SORBS2: variants seen among roughly 807,000 people sequenced by gnomAD.
The protein encoded by SORBS2 is sorbin and SH3 domain containing 2, also known as sorbin and SH3 domain-containing protein 2.
In SORBS2, 46 loss-of-function variants were observed where a neutral mutation model predicts 97.7. The observed-to-expected ratio is 0.47, with a 90% confidence interval of 0.37 to 0.60. The LOEUF is 0.60. Ranked by LOEUF, SORBS2 falls within the 20% of genes least tolerant of loss-of-function variation. SORBS2 has a pLI of 0.00. For synonymous variants in SORBS2, 476 were observed against 473.4 expected (o/e 1.01, Z -0.07); for missense variants, 1,316 against 1,282.3 (o/e 1.03, Z -0.40).
chr4:185,620,311 T>C (rs963382067), intron 7 of SORBS2, among the ~76,000 whole-genome samples, 160 bp from the exon 20 acceptor site: 4 of 152,196 alleles, frequency 2.6e-5, no homozygotes, highest in African/African-American at 7.2e-5. Flanking sequence ...TACAAAGTTG[T>C]GAAATAAGAC....
At chr4:185,666,292 A>G in intron 4 of SORBS2, 2 of 667,130 alleles carry the variant, frequency 3.0e-6, no homozygotes, top group South Asian at 3.3e-5. Context: ...AAGGCAAAGC[A>G]TCGGTTTTAT....
At chr4:185,884,919 T>A (rs936240515) in intron 1 of SORBS2, among the ~76,000 whole-genome samples, 11 of 152,216 alleles carry the variant, frequency 7.2e-5, no homozygotes, top group Non-Finnish European at 4.4e-5. Flanking sequence ...ACTGCTGATT[T>A]CCCTACAGAA....
At chr4:185,711,839 C>T (rs753729518) in intron 2 of SORBS2, among the ~76,000 whole-genome samples, 2 of 152,152 alleles carry the variant, frequency 1.3e-5, no homozygotes, top group Non-Finnish European at 2.9e-5. Flanking sequence ...ACCTATTCAG[C>T]ACACGCACAA....
chr4:185,817,482 T>C (rs1343937668), intron 1 of SORBS2, among the ~76,000 whole-genome samples: 2 of 152,170 alleles, frequency 1.3e-5, no homozygotes, highest in African/African-American at 4.8e-5. Flanking sequence ...GGCCACACTT[T>C]GTTCTTGGAG....
At chr4:185,770,906 C>T (rs1052400631) in intron 2 of SORBS2, 2 of 150,826 alleles carry the variant, frequency 1.3e-5, no homozygotes, top group African/African-American at 4.9e-5. Context: ...TTTGCACATA[C>T]ACTAGCTTGG....
intron 4 of SORBS2, among the ~76,000 whole-genome samples, chr4:185,667,698 A>ATTT (rs11458739): frequency 1.4e-5 from 2 of 146,756 alleles, no homozygotes; most frequent in African/African-American, 2.5e-5. Context: ...ATATATATAT[A>ATTT]TATATATACG....
intron 7 of SORBS2, among the ~76,000 whole-genome samples, chr4:185,621,599 T>A (rs1415392224): frequency 6.6e-6 from 1 of 151,604 alleles, no homozygotes; most frequent in African/African-American, 2.4e-5. Context: ...TTTTGAAGCA[T>A]GTTGCTTCAG....
rs375583777 is a variant in SORBS2 at position 185,752,400 on chromosome 4, C to T, written c.-198+22827G>A. Among the ~76,000 whole-genome samples, 264 of 152,210 alleles carry T rather than the reference C, an allele frequency of 1.7e-3. 8 individuals are homozygous for T. The South Asian group carries it at 0.052, about 30-fold the overall frequency. ...GCGCCATTCTCCTGCCTCAGCCTCCCGAGTAGCTTGGACTACAGGCGCCCG... is the reference window on the plus strand; with the variant it reads ...GCGCCATTCTCCTGCCTCAGCCTCCTGAGTAGCTTGGACTACAGGCGCCCG... On this transcript the variant is annotated intron_variant, in intron 2 of 20. Coordinates refer to the SORBS2 transcript ENST00000284776.
Position 185,923,110 on chromosome 4 carries a change from G to T in SORBS2, c.-338+33086C>A, listed in dbSNP as rs534651228. Among the ~76,000 whole-genome samples, 4 of 152,246 alleles carry T rather than the reference G, an allele frequency of 2.6e-5. No individual in the cohort carries two copies. The South Asian group carries it at 8.3e-4, about 32-fold the overall frequency. On this transcript the variant is annotated intron_variant, in intron 1 of 20. Coordinates refer to the SORBS2 transcript ENST00000284776. ...GAGCATTAAAGGGGATAATCTGTATGGGGGGAGCCCCACACAGAGTCCAGC... is the reference window on the plus strand; with the variant it reads ...GAGCATTAAAGGGGATAATCTGTATTGGGGGAGCCCCACACAGAGTCCAGC...
intron 1 of SORBS2, among the ~76,000 whole-genome samples, chr4:185,884,058 C>T (rs1041690005): frequency 1.2e-4 from 18 of 152,226 alleles, no homozygotes; most frequent in African/African-American, 3.4e-4. Flanking sequence ...GTTCAAGGTA[C>T]CTTCCAAAGG....
At position 185,606,242 on chromosome 4, in the gene SORBS2, A is replaced by C; in HGVS notation, c.2796+5538T>G. On this transcript the variant is annotated intron_variant, in intron 12 of 14. Coordinates refer to ENST00000418609, the Ensembl canonical transcript of SORBS2. The surrounding 1 kb of genome is among the most constrained non-coding windows in gnomAD (Gnocchi z 4.3). ...TGGGTTTTGACGATTAAAGATGTGG[A>C]GTTTTTAGAATAGTGTCTGATACTC... The C allele has an allele frequency of 1.0e-6, 1 of 985,332 alleles. No individual in the cohort carries two copies. Among genetic ancestry groups the C allele is most frequent in the Non-Finnish European group, 1.2e-6 (1 of 829,868 alleles). The allele number at this position is 985,332 out of a possible 1,614,324, so 61.0% of individuals were successfully genotyped here.
Position 185,822,225 on chromosome 4 carries a change from T to A in SORBS2, c.-337-46859A>T, listed in dbSNP as rs567564461. Among the ~76,000 whole-genome samples the A allele has an allele frequency of 6.6e-5, 10 of 152,360 alleles. 1 individual carries two copies. Among genetic ancestry groups the A allele is most frequent in the African/African-American group, 2.2e-4 (9 of 41,582 alleles). On this transcript the variant is annotated intron_variant, in intron 1 of 20. Coordinates refer to the SORBS2 transcript ENST00000284776. ...ATTACTATTTAGGGTTTGACAGTCA[T>A]CCTTTATCTAGTGTTTCCCCAGTTG...
intron 4 of SORBS2, among the ~76,000 whole-genome samples, chr4:185,636,019 C>G (rs2153439933): frequency 6.6e-6 from 1 of 152,190 alleles, no homozygotes; most frequent in East Asian, 1.9e-4. Context: ...CCACCATGCC[C>G]AGCTAATTTT....
chr4:185,943,233 G>C (rs1409704267), intron 1 of SORBS2, among the ~76,000 whole-genome samples: 1 of 152,196 alleles, frequency 6.6e-6, no homozygotes, highest in Non-Finnish European at 1.5e-5. Flanking sequence ...GAACCTAGTA[G>C]TTATGGACAA....
chr4:185,757,811 A>G (rs1025396720), intron 2 of SORBS2, among the ~76,000 whole-genome samples: 6 of 152,198 alleles, frequency 3.9e-5, no homozygotes, highest in Admixed American at 3.9e-4. Flanking sequence ...AGCTAGATCT[A>G]TACAACTGGA....
chr4:185,839,955 C>T (rs1042025461), intron 1 of SORBS2, among the ~76,000 whole-genome samples: 1 of 151,724 alleles, frequency 6.6e-6, no homozygotes, highest in African/African-American at 2.4e-5. Flanking sequence ...CATGTGCTTA[C>T]GATGTAGGAT....
chr4:185,847,954 C>T (rs762321005), intron 1 of SORBS2, among the ~76,000 whole-genome samples: 3 of 152,120 alleles, frequency 2.0e-5, no homozygotes, highest in East Asian at 1.9e-4. Context: ...ACATTCATGC[C>T]GAGTCGCAGG....
intron 2 of SORBS2, among the ~76,000 whole-genome samples, chr4:185,756,622 C>T (rs1177404489): frequency 6.6e-6 from 1 of 151,696 alleles, no homozygotes; most frequent in Non-Finnish European, 1.5e-5. Flanking sequence ...ATATAAGTAA[C>T]ATCCAGGGAT....
chr4:185,883,957 T>C (rs2099238099), intron 1 of SORBS2, among the ~76,000 whole-genome samples: 1 of 152,246 alleles, frequency 6.6e-6, no homozygotes, highest in Non-Finnish European at 1.5e-5. Flanking sequence ...CCACATACTG[T>C]ATGATGTTAT....
Sources: gnomAD v4.1 joint callset for allele counts (sites outside exome capture counted in the v4.1 genomes callset) on GRCh38, gnomAD v4.1.1 for gene constraint, Gnocchi (gnomAD v3.1) non-coding constraint, MANE v1.5 for transcripts, NCBI Gene and HGNC (gene_info 2026-07-23, HGNC 2026-07-21) for gene names.